The following USP4 variants were observed in gnomAD, a reference collection of about 807,000 sequenced individuals.
USP4 encodes the protein ubiquitin specific peptidase 4, also known as ubiquitin carboxyl-terminal hydrolase 4.
USP4 carries 72 observed loss-of-function variants against 118.2 expected under a neutral mutation model. The observed-to-expected ratio is 0.61, with a 90% CI of 0.50 to 0.74. The LOEUF (loss-of-function observed/expected upper bound fraction) is 0.74. USP4 is among the 30% of genes least tolerant of loss of function. The pLI, the probability that USP4 is intolerant of heterozygous loss-of-function variation, is 0.00. For missense variants in USP4, 1,037 were observed against 1,185.7 expected (o/e 0.87, Z 1.84); for synonymous variants, 415 against 440.4 (o/e 0.94, Z 0.72).
At chr3:49,304,736 A>G (rs1172173546) in intron 9 of USP4, among the ~76,000 whole-genome samples, 2 of 151,770 alleles carry the variant, frequency 1.3e-5, no homozygotes, top group African/African-American at 4.8e-5. Context: ...CTACAGGTAC[A>G]TCACCATGTC....
At chr3:49,292,959 G>A (rs992535894) in intron 14 of USP4, among the ~76,000 whole-genome samples, 1 of 152,162 alleles carries the variant, frequency 6.6e-6, no homozygotes, top group Non-Finnish European at 1.5e-5. Context: ...GAACGTGGGA[G>A]GCAGAGGTTG....
chr3:49,325,054 A>G lies in USP4; in HGVS notation c.488-15T>C, dbSNP rs1388237890. The G allele has an allele frequency of 1.2e-6, 2 of 1,610,346 alleles. No individual in the cohort carries two copies. The highest frequency in any genetic ancestry group is 3.4e-5 in the Admixed American group (2 of 59,164). On this transcript the variant is annotated splice_polypyrimidine_tract_variant and intron_variant, in intron 4 of 21. Transcript: ENST00000265560. ...CTCGATGGTTGCTAGGAACAGGCAGAAATATCACTTGGGGCTTTGTCCACA... is the reference window on the plus strand; with the variant it reads ...CTCGATGGTTGCTAGGAACAGGCAGGAATATCACTTGGGGCTTTGTCCACA...
intron 20 of USP4, 107 bp from the exon 21 acceptor site, chr3:49,279,009 T>C (rs2046990000): frequency 3.1e-6 from 2 of 636,218 alleles, no homozygotes. Flanking sequence ...ACAAAACCCC[T>C]GAAATTAAAA....
At chr3:49,303,829 T>C (rs541551220) in intron 9 of USP4, among the ~76,000 whole-genome samples, 78 of 152,250 alleles carry the variant, frequency 5.1e-4, no homozygotes, top group African/African-American at 1.9e-3. Context: ...CTCAGCTCAC[T>C]GCAACCTCCG....
Position 49,310,482 on chromosome 3 carries a change from G to A in USP4, c.954+138C>T, listed in dbSNP as rs1025341395. On this transcript the variant is annotated intron_variant, in intron 8 of 21. Transcript: ENST00000265560. ...CATTCTATACCACCTAGTGGGAGAT[G>A]CCCTAGCAGAGACTACTGAAGCACC... The A allele has an allele frequency of 4.9e-5, 36 of 734,506 alleles. No individual in the cohort carries two copies. In the Admixed American group the frequency reaches 7.3e-4, roughly 15 times the overall value. The allele number at this position is 734,506 out of a possible 1,614,324, so 45.5% of individuals were successfully genotyped here.
Position 49,292,557 on chromosome 3 carries a change from G to T in USP4, c.1925C>A (p.Ser642Ter). Reference sequence around the variant, plus strand: ...ATTGCAGGCCCCTGGCTCCAAGGGTGAGCTGCCAAACTCATCAGGTAAAGG... The same window carrying T: ...ATTGCAGGCCCCTGGCTCCAAGGGTTAGCTGCCAAACTCATCAGGTAAAGG... ...KQPLPDEFGS[S>*]PLEPGACNGS... is the part of the protein sequence containing the mutation. Residue 642 changes from serine to a stop codon, truncating the protein, a stop_gained, in exon 15 of 22, where the codon TCA (serine) becomes TAA (stop). Transcript: ENST00000265560. LOFTEE classifies it high-confidence loss of function. The T allele has an allele frequency of 6.2e-7, 1 of 1,601,406 alleles. No homozygotes were observed. The highest frequency in any genetic ancestry group is 1.1e-5 in the South Asian group (1 of 89,034).
In USP4 at chr3:49,278,139, CTTCT is replaced by C. The variant is rs1048429635; in HGVS notation, c.*150_*153del. 5.0e-5 allele frequency: 38 copies of C among 757,522 alleles called. No homozygotes were observed. The highest frequency in any genetic ancestry group is 4.2e-4 in the Middle Eastern group (1 of 2,358). 46.9% of individuals were successfully genotyped at this position (757,522 alleles called of 1,614,324 possible). A position where few individuals can be genotyped will look rare whatever the true frequency, so the allele number is the denominator to read the frequency against. The stretch of plus-strand genomic sequence containing the variant: ...ACATAGCTTCTTCTAGGTAAACGGT[CTTCT>C]TTTTTTTTTTTTGTTTCCTTCTGCT... On this transcript the variant is annotated 3_prime_UTR_variant, in exon 22 of 22. Coordinates refer to ENST00000265560, the MANE Select transcript of USP4 (RefSeq NM_003363.4).
chr3:49,331,378 A>G (rs933309322), intron 2 of USP4, among the ~76,000 whole-genome samples: 12 of 151,028 alleles, frequency 7.9e-5, no homozygotes, highest in Non-Finnish European at 2.9e-5. Context: ...CCCAGCACTT[A>G]GGGAGGTCAA....
chr3:49,307,068 A>G (rs2047326335), intron 8 of USP4, among the ~76,000 whole-genome samples: 1 of 152,124 alleles, frequency 6.6e-6, no homozygotes. Context: ...CACCGCGCCC[A>G]GCCGGAAAAT....
intron 6 of USP4, chr3:49,317,451 C>A: frequency 1.2e-6 from 1 of 815,744 alleles, no homozygotes. Context: ...GCGCCATGCC[C>A]TGCTGGGTCA....
At chr3:49,318,672 G>A (rs779546413) in intron 6 of USP4, 15 of 951,424 alleles carry the variant, frequency 1.6e-5, no homozygotes, top group Non-Finnish European at 1.5e-5. Context: ...ACTCTGGGAC[G>A]CCAAGGCGGG....
chr3:49,294,270 CCA>C lies in USP4; in HGVS notation c.1883+135_1883+136del, dbSNP rs2047180324. On this transcript the variant is annotated intron_variant, in intron 14 of 21. Coordinates refer to ENST00000265560, the MANE Select transcript of USP4 (RefSeq NM_003363.4). ...AAAGTGCTGGGAGTACAGGCATGAG[CCA>C]CTGCACCCGGCAAATGCATTTCTTA... 4 of 961,308 alleles carry C rather than the reference CCA, an allele frequency of 4.2e-6. No individual in the cohort carries two copies. In the Admixed American group the frequency reaches 1.1e-4, roughly 26 times the overall value. The allele number at this position is 961,308 out of a possible 1,614,324, so 59.5% of individuals were successfully genotyped here.
At chr3:49,338,879 G>A (rs1170107963) in intron 1 of USP4, among the ~76,000 whole-genome samples, 1 of 151,134 alleles carries the variant, frequency 6.6e-6, no homozygotes, top group Non-Finnish European at 1.5e-5. Context: ...CGAGCACGGT[G>A]GCTCCCACCT....
At chr3:49,297,658 G>C (rs2047223942) in intron 13 of USP4, among the ~76,000 whole-genome samples, 1 of 152,180 alleles carries the variant, frequency 6.6e-6, no homozygotes, top group Admixed American at 6.5e-5. Flanking sequence ...GCTGAGGAGA[G>C]TTATCAGAAT....
At chr3:49,307,463 T>C (rs2047331158) in intron 8 of USP4, among the ~76,000 whole-genome samples, 1 of 151,990 alleles carries the variant, frequency 6.6e-6, no homozygotes. Context: ...AATTTTTTTT[T>C]AATTTTTAGA....
At position 49,324,001 on chromosome 3, in the gene USP4, TG is replaced by T. The variant is rs1447146061; in HGVS notation, c.695+700del. On this transcript the variant is annotated intron_variant, in intron 6 of 21. Coordinates refer to ENST00000265560, the MANE Select transcript of USP4 (RefSeq NM_003363.4). ...TAGAATCAAGCTATCACTTTTTTTT[TG>T]TTTTTGTTTTTTTTGGGTCAGAGTC... 2.0e-5 allele frequency among the ~76,000 whole-genome samples: 3 copies of T among 151,910 alleles called. No individual in the cohort carries two copies. The East Asian group carries it at 5.8e-4, about 29-fold the overall frequency.
intron 9 of USP4, among the ~76,000 whole-genome samples, chr3:49,303,973 G>A (rs1475223927): frequency 6.6e-6 from 1 of 152,022 alleles, no homozygotes; most frequent in Non-Finnish European, 1.5e-5. Context: ...GGCTGGTCTT[G>A]AACTCCTGAC....
intron 9 of USP4, among the ~76,000 whole-genome samples, chr3:49,302,762 C>G (rs1278565720): frequency 1.3e-5 from 2 of 152,160 alleles, no homozygotes; most frequent in African/African-American, 4.8e-5. Context: ...AACCTGGAAC[C>G]TGGGCCACTG....
At chr3:49,286,816 C>CCCTA (rs371837480) in intron 15 of USP4, among the ~76,000 whole-genome samples, 11 of 141,230 alleles carry the variant, frequency 7.8e-5, no homozygotes, top group Non-Finnish European at 1.7e-4. Flanking sequence ...ACTCTAGCCA[C>CCCTA]TCTATCTATC....
Sources: allele counts gnomAD v4.1 joint callset (sites outside exome capture counted in the v4.1 genomes callset), GRCh38; gene constraint gnomAD v4.1.1; transcripts MANE v1.5; gene names NCBI Gene and HGNC (gene_info 2026-07-23, HGNC 2026-07-21).